GSK3B: variants seen among roughly 807,000 people sequenced by gnomAD.
The protein encoded by GSK3B is glycogen synthase kinase-3 beta.
A neutral mutation model predicts 56.4 loss-of-function variants in GSK3B; 15 were observed. The ratio of observed to expected loss-of-function variants is 0.27; its 90% CI spans 0.18 to 0.41. The LOEUF is 0.41. Among genes scored for constraint, GSK3B ranks in the 10% least tolerant of loss-of-function variants. The pLI, the probability that GSK3B is intolerant of heterozygous loss-of-function variation, is 1.00. For missense variants in GSK3B, 300 were observed against 513.4 expected, an observed-to-expected ratio of 0.58 and a Z score of 4.02; for synonymous variants, 181 against 188.9, an observed-to-expected ratio of 0.96 and a Z score of 0.34.
Position 120,083,700 on chromosome 3 carries a change from T to G in GSK3B, c.88+9647A>C, listed in dbSNP as rs79873330. Among the ~76,000 whole-genome samples the G allele has an allele frequency of 4.9e-3, 749 of 152,234 alleles. 3 individuals carry two copies. The highest frequency in any genetic ancestry group is 0.017 in the African/African-American group (703 of 41,550). ...GAAAACATATGTCCACACAAAAACTTGCACACAAATGTTCACAGCAGCATA... is the reference window on the plus strand; with the variant it reads ...GAAAACATATGTCCACACAAAAACTGGCACACAAATGTTCACAGCAGCATA... On this transcript the variant is annotated intron_variant, in intron 1 of 10. Coordinates refer to ENST00000264235, the MANE Select transcript of GSK3B (RefSeq NM_001146156.2).
chr3:119,979,329 C>T (rs181938806), intron 2 of GSK3B, among the ~76,000 whole-genome samples: 3 of 152,188 alleles, frequency 2.0e-5, no homozygotes, highest in South Asian at 2.1e-4. Flanking sequence ...AAACCCTCTC[C>T]GGGTCTCTCC....
At chr3:120,057,577 G>A (rs550833905) in intron 1 of GSK3B, among the ~76,000 whole-genome samples, 1 of 152,140 alleles carries the variant, frequency 6.6e-6, no homozygotes, top group Non-Finnish European at 1.5e-5. Flanking sequence ...AATTTTAAAT[G>A]TTTTGATTCC....
At chr3:119,893,667 A>G (rs1056429499) in intron 7 of GSK3B, among the ~76,000 whole-genome samples, 1 of 152,050 alleles carries the variant, frequency 6.6e-6, no homozygotes, top group Non-Finnish European at 1.5e-5. Flanking sequence ...CCTATACTCT[A>G]TTTCATTCAC....
chr3:119,860,291 A>G (rs2056085016), intron 9 of GSK3B, among the ~76,000 whole-genome samples: 1 of 152,196 alleles, frequency 6.6e-6, no homozygotes, highest in African/African-American at 2.4e-5. Context: ...GCTGAATTTG[A>G]AATTCTAATG....
At chr3:119,985,076 C>T (rs1323188175) in intron 2 of GSK3B, among the ~76,000 whole-genome samples, 1 of 152,100 alleles carries the variant, frequency 6.6e-6, no homozygotes, top group East Asian at 1.9e-4. Flanking sequence ...ATAAACAGAA[C>T]CAAAGACAAA....
chr3:119,828,755 C>T (rs1029430270), intron 10 of GSK3B, among the ~76,000 whole-genome samples: 4 of 152,200 alleles, frequency 2.6e-5, no homozygotes, highest in African/African-American at 9.6e-5. Context: ...TTCCTAATTT[C>T]CCGATAAGCT....
In GSK3B at chr3:120,071,578, A is replaced by G. The variant is rs556641310; in HGVS notation, c.88+21769T>C. On this transcript the variant is annotated intron_variant, in intron 1 of 10. Transcript: ENST00000264235. ...ACACATGCGAGGGATCTAGGTGCAC[A>G]TTCCTTATGAGAATCTACTGCCTGA... Among the ~76,000 whole-genome samples the G allele has an allele frequency of 2.6e-5, 4 of 152,284 alleles. No individual in the cohort carries two copies. The East Asian group carries it at 7.7e-4, about 29-fold the overall frequency.
chr3:120,076,137 G>A (rs998286593), intron 1 of GSK3B, among the ~76,000 whole-genome samples: 68 of 152,060 alleles, frequency 4.5e-4, no homozygotes, highest in African/African-American at 1.6e-3. Context: ...AAATGGTGTT[G>A]GGAAAAATGG....
intron 2 of GSK3B, among the ~76,000 whole-genome samples, chr3:119,967,292 G>A (rs1400041188): frequency 6.6e-6 from 1 of 152,100 alleles, no homozygotes; most frequent in Non-Finnish European, 1.5e-5. Flanking sequence ...TGGCCAGGCT[G>A]GTCTCAAACT....
chr3:119,982,881 G>C (rs1381943555), intron 2 of GSK3B, among the ~76,000 whole-genome samples: 1 of 152,140 alleles, frequency 6.6e-6, no homozygotes, highest in East Asian at 1.9e-4. Flanking sequence ...TCCAAGAGAA[G>C]AGCAACCCCA....
intron 9 of GSK3B, among the ~76,000 whole-genome samples, chr3:119,861,659 G>A (rs988855436): frequency 3.3e-5 from 5 of 152,126 alleles, no homozygotes; most frequent in Admixed American, 6.6e-5. Context: ...TACAAAGACC[G>A]TGAGAAAGTA....
chr3:120,091,100 A>G (rs2058508588), intron 1 of GSK3B, among the ~76,000 whole-genome samples: 1 of 151,916 alleles, frequency 6.6e-6, no homozygotes. Context: ...ACTCTTTGCC[A>G]CTCTGAACAA....
chr3:119,923,345 A>C, intron 4 of GSK3B, 28 bp downstream of exon 4: 1 of 1,203,324 alleles, frequency 8.3e-7, no homozygotes, highest in Non-Finnish European at 1.2e-6. Context: ...TGTTTTCTAA[A>C]ATGGAAAATT....
At chr3:120,041,283 G>T in intron 1 of GSK3B, 1 of 270,078 alleles carries the variant, frequency 3.7e-6, no homozygotes, top group Non-Finnish European at 7.7e-6. Context: ...TAATTTTCCT[G>T]AGTAAGTGGT....
chr3:119,827,396 CAATTT>C lies in GSK3B; in HGVS notation c.1196-546_1196-542del, dbSNP rs1682152839. Among the ~76,000 whole-genome samples, 3 of 151,796 alleles carry C rather than the reference CAATTT, an allele frequency of 2.0e-5. 1 individual carries two copies. In the South Asian group the frequency reaches 6.2e-4, roughly 32 times the overall value. On this transcript the variant is annotated intron_variant, in intron 10 of 10. Coordinates refer to ENST00000264235, the MANE Select transcript of GSK3B (RefSeq NM_001146156.2). ...CAACTGCAGTACCAATTCACTTAGT[CAATTT>C]AATAAAGCATCTTGTATCAACAGAT... is the stretch of plus-strand genomic sequence containing the variant.
intron 2 of GSK3B, among the ~76,000 whole-genome samples, chr3:119,954,267 T>C (rs1228763897): frequency 4.1e-5 from 6 of 145,994 alleles, no homozygotes; most frequent in African/African-American, 1.3e-4. Context: ...TAGAATAGAA[T>C]AGAATAGAAT....
At chr3:119,986,546 A>G (rs571858554) in intron 2 of GSK3B, among the ~76,000 whole-genome samples, 240 of 152,340 alleles carry the variant, frequency 1.6e-3, no homozygotes, top group African/African-American at 4.6e-3. Flanking sequence ...ACTTGTCAAA[A>G]GAAGACATCT....
chr3:119,930,077 TCCTACA>T (rs2056929733), intron 3 of GSK3B, among the ~76,000 whole-genome samples: 1 of 92,222 alleles, frequency 1.1e-5, no homozygotes, highest in Non-Finnish European at 2.1e-5. Context: ...AGATTCTGTC[TCCTACA>T]CACACACACA....
chr3:119,891,224 C>A (rs1303758387), intron 7 of GSK3B, among the ~76,000 whole-genome samples: 1 of 151,368 alleles, frequency 6.6e-6, no homozygotes, highest in Admixed American at 6.6e-5. Context: ...TCTATGCACA[C>A]TAGATGTGTA....
Sources: gnomAD v4.1 joint callset for allele counts (sites outside exome capture counted in the v4.1 genomes callset) on GRCh38, gnomAD v4.1.1 for gene constraint, MANE v1.5 for transcripts, NCBI Gene and HGNC (gene_info 2026-07-23, HGNC 2026-07-21) for gene names.